The following SYT12 variants were observed in gnomAD, a reference collection of about 807,000 sequenced individuals.
SYT12 encodes the protein synaptotagmin 12, also known as synaptotagmin-12.
Under a neutral mutation model 39.5 loss-of-function variants are expected in SYT12, and 27 were observed. That is an observed-to-expected ratio of 0.68 (90% CI 0.50 to 0.94). SYT12 has a LOEUF of 0.94. SYT12 is among the 40% of genes least tolerant of loss of function. The probability of loss-of-function intolerance (pLI) is 0.00; values close to 1 mark genes in which losing one functional copy is unlikely to be tolerated. For synonymous variants in SYT12, 233 were observed against 239.7 expected, an observed-to-expected ratio of 0.97 and a Z score of 0.26; for missense variants, 536 against 572.6, an observed-to-expected ratio of 0.94 and a Z score of 0.65.
chr11:67,013,198 A>G (rs1254059005), intron 3 of SYT12, among the ~76,000 whole-genome samples: 3 of 152,194 alleles, frequency 2.0e-5, no homozygotes, highest in Non-Finnish European at 2.9e-5. Context: ...CACCCATAAC[A>G]TAACTTAGTT....
upstream of SYT12, among the ~76,000 whole-genome samples, chr11:67,019,713 C>T (rs1307873671): frequency 6.6e-6 from 1 of 151,868 alleles, no homozygotes; most frequent in East Asian, 1.9e-4. Context: ...ACCTGGGCAA[C>T]GTGGCAAAAC....
At chr11:67,024,709 T>C (rs1264134324) in intron 1 of SYT12, among the ~76,000 whole-genome samples, 2 of 152,146 alleles carry the variant, frequency 1.3e-5, no homozygotes, top group Non-Finnish European at 2.9e-5. Flanking sequence ...GTTTGGGGGA[T>C]GGCAGCAGGA....
chr11:67,025,312 C>T (rs1442472452), intron 1 of SYT12, among the ~76,000 whole-genome samples: 2 of 152,196 alleles, frequency 1.3e-5, no homozygotes, highest in African/African-American at 2.4e-5. Context: ...TAGGTATGAT[C>T]GAGCTGGAAT....
intron 6 of SYT12, 36 bp from the exon 7 acceptor site, chr11:67,045,708 T>C: frequency 6.2e-7 from 1 of 1,607,542 alleles, no homozygotes; most frequent in Non-Finnish European, 8.5e-7. Flanking sequence ...GGTGAGTGAG[T>C]GTGACACTGG....
intron 3 of SYT12, among the ~76,000 whole-genome samples, chr11:67,014,395 C>T (rs1950036727): frequency 6.6e-6 from 1 of 152,206 alleles, no homozygotes. Flanking sequence ...GCAGCACGCC[C>T]AGAGCAGATG....
intron 1 of SYT12, chr11:67,009,850 T>C (rs956855487): frequency 6.5e-6 from 1 of 153,820 alleles, no homozygotes; most frequent in African/African-American, 2.4e-5. Context: ...TTTGTTTGTT[T>C]TGAGACGGAG....
intron 3 of SYT12, among the ~76,000 whole-genome samples, chr11:67,036,084 T>G (rs1208564673): frequency 6.6e-6 from 1 of 151,150 alleles, no homozygotes; most frequent in Non-Finnish European, 1.5e-5. Flanking sequence ...CTAGCTAATT[T>G]TTTTTTTATT....
Position 67,041,465 on chromosome 11 carries a change from C to T in SYT12, c.621+1262C>T, listed in dbSNP as rs12284264. 4.2e-3 allele frequency among the ~76,000 whole-genome samples: 632 copies of T among 151,950 alleles called. 5 individuals are homozygous for T. The highest frequency in any genetic ancestry group is 0.014 in the African/African-American group (598 of 41,428). Reference sequence around the variant, plus strand: ...CAGCCTGGGCGACAGAGTGAGACTCCGTCTCAAAAATAATAAATAAATAAA... The same window carrying T: ...CAGCCTGGGCGACAGAGTGAGACTCTGTCTCAAAAATAATAAATAAATAAA... On this transcript the variant is annotated intron_variant, in intron 4 of 7. Transcript: ENST00000527043.
chr11:67,030,345 C>T (rs1950242359), intron 2 of SYT12, 167 bp downstream of exon 2: 2 of 685,464 alleles, frequency 2.9e-6, no homozygotes, highest in Non-Finnish European at 4.8e-6. Flanking sequence ...GCCCTGGGGA[C>T]ATCAAGCTTG....
rs1354803070 is a variant in SYT12, at chr11:67,049,551, T to A, written c.*794T>A. ...CCCAGACCCAGGTCCTTGTGCTCAG[T>A]CCTGCGCAAACCAGGCCCAGACCCT... On this transcript the variant is annotated 3_prime_UTR_variant, in exon 8 of 8. Coordinates refer to ENST00000527043, the MANE Select transcript of SYT12 (RefSeq NM_177963.4). 5 of 152,326 alleles carry A rather than the reference T, an allele frequency of 3.3e-5. No individual in the cohort carries two copies. The highest frequency in any genetic ancestry group is 1.2e-4 in the African/African-American group (5 of 41,462). The allele number at this position is 152,326 out of a possible 1,614,324, so 9.4% of individuals were successfully genotyped here.
intron 7 of SYT12, 67 bp downstream of exon 7, chr11:67,045,944 C>T: frequency 6.3e-7 from 1 of 1,595,604 alleles, no homozygotes; most frequent in South Asian, 1.1e-5. Flanking sequence ...CGCATCTCTC[C>T]ACCTTCTCTT....
chr11:67,032,251 G>A (rs573114671), intron 2 of SYT12: 14 of 152,210 alleles, frequency 9.2e-5, no homozygotes, highest in African/African-American at 2.6e-4. Flanking sequence ...TGTCATTCTC[G>A]AAGGCCAGTG....
chr11:67,034,716 G>A lies in SYT12; in HGVS notation c.106G>A (p.Ala36Thr). The A allele has an allele frequency of 6.2e-7, 1 of 1,602,368 alleles. No homozygotes were observed. Among genetic ancestry groups the A allele is most frequent in the Non-Finnish European group, 8.5e-7 (1 of 1,175,652 alleles). The stretch of plus-strand genomic sequence containing the variant: ...GGCCCTGGCCCTGCTGGGAATCGCA[G>A]CTGTGAGCCTGTGGAAGCTCTGGAC... The part of the protein sequence containing the change: ...AGALALLGIA[A>T]VSLWKLWTSG... The change falls in exon 3 of 8, where the codon GCT becomes ACT. Residue 36 changes from alanine to threonine, a missense_variant. Transcript: ENST00000527043.
intron 3 of SYT12, among the ~76,000 whole-genome samples, chr11:67,035,593 G>T (rs1200928934): frequency 2.0e-5 from 3 of 150,440 alleles, no homozygotes; most frequent in African/African-American, 4.9e-5. Flanking sequence ...GAGTAGCTGG[G>T]ACTACAGGCA....
chr11:67,030,837 A>G (rs1950251364), intron 2 of SYT12: 1 of 152,406 alleles, frequency 6.6e-6, no homozygotes. Flanking sequence ...GGGTCAGAGA[A>G]GAAACATACC....
rs544634042 is a variant in SYT12 at position 67,011,518 on chromosome 11, A to G, written c.-69+524A>G. 8.5e-5 allele frequency among the ~76,000 whole-genome samples: 13 copies of G among 152,272 alleles called. No individual in the cohort carries two copies. The South Asian group carries it at 2.7e-3, about 32-fold the overall frequency. On this transcript the variant is annotated intron_variant, in intron 3 of 10. Transcript: ENST00000393946. ...TGGGCCTCCCAAAGTGCTGGATTAC[A>G]GGCGTGAGCCACTGTGCCCGGCCTG...
intron 4 of SYT12, among the ~76,000 whole-genome samples, chr11:67,040,605 C>G (rs1024575831): frequency 6.6e-6 from 1 of 152,164 alleles, no homozygotes; most frequent in South Asian, 2.1e-4. Context: ...TTTGGGAGGC[C>G]GAGGCGGGCA....
rs1950131428 is a variant in SYT12 at position 67,023,146 on chromosome 11, G to C, written c.-338G>C. ...GACGCGCTTGGGGATCTCCGGCTCG[G>C]ACCCCAGGAGCAGAGACAGCGCTCG... On this transcript the variant is annotated 5_prime_UTR_variant, in exon 1 of 8. Coordinates refer to ENST00000527043, the MANE Select transcript of SYT12 (RefSeq NM_177963.4). Among the ~76,000 whole-genome samples, 1 of 152,196 alleles carries C rather than the reference G, an allele frequency of 6.6e-6. No individual in the cohort carries two copies. The highest frequency in any genetic ancestry group is 1.5e-5 in the Non-Finnish European group (1 of 68,016).
At chr11:67,046,550 C>T (rs1009680042) in intron 7 of SYT12, among the ~76,000 whole-genome samples, 1 of 152,262 alleles carries the variant, frequency 6.6e-6, no homozygotes, top group Non-Finnish European at 1.5e-5. Flanking sequence ...AACCCGGGGA[C>T]CCCGCCAGCA....
Sources: allele counts gnomAD v4.1 joint callset (sites outside exome capture counted in the v4.1 genomes callset), GRCh38; gene constraint gnomAD v4.1.1; transcripts MANE v1.5; gene names NCBI Gene and HGNC (gene_info 2026-07-23, HGNC 2026-07-21).